Variants in DSP observed in about 807,000 individuals in gnomAD.
DSP encodes the protein desmoplakin, also known as 250/210 kDa paraneoplastic pemphigus antigen.
Under a neutral mutation model 290.6 loss-of-function variants are expected in DSP, and 114 were observed. The ratio of observed to expected loss-of-function variants is 0.39; its 90% CI spans 0.34 to 0.46. The LOEUF is 0.46. DSP is among the 20% of genes least tolerant of loss of function. The pLI, the probability that DSP is intolerant of heterozygous loss-of-function variation, is 0.99. For synonymous variants in DSP, 1,311 were observed against 1,316.4 expected, an observed-to-expected ratio of 1.00 and a Z score of 0.09; for missense variants, 3,230 against 3,495.8, an observed-to-expected ratio of 0.92 and a Z score of 1.92.
intron 5 of DSP, 40 bp from the exon 6 acceptor site, chr6:7,563,696 C>T: frequency 6.4e-7 from 1 of 1,562,032 alleles, no homozygotes; most frequent in Non-Finnish European, 8.8e-7. Context: ...ATACAATCCA[C>T]AAGGGGATTT....
chr6:7,546,272 G>T (rs944778547), intron 1 of DSP, among the ~76,000 whole-genome samples: 2 of 152,194 alleles, frequency 1.3e-5, no homozygotes, highest in Non-Finnish European at 1.5e-5. Flanking sequence ...CCCAGAGCTC[G>T]AGTGACTCAT....
In DSP at chr6:7,585,384, T is replaced by C; in HGVS notation, c.8122T>C (p.Ser2708Pro). 6.2e-7 allele frequency: 1 copy of C among 1,613,974 alleles called. No individual in the cohort carries two copies. The highest frequency in any genetic ancestry group is 8.5e-7 in the Non-Finnish European group (1 of 1,179,958). Residue 2708 changes from serine to proline, a missense_variant, in exon 24 of 24, where the codon TCA becomes CCA. Ser to Pro is a moderately conservative substitution (Grantham distance 74). Transcript: ENST00000379802. ...GGGTGTGAAGGGAAAGAAGAAGATG[T>C]CAGCAGCAGAGGCAGTGAAAGAAAA... is the stretch of plus-strand genomic sequence containing the variant. ...FEGVKGKKKM[S>P]AAEAVKEKWL...
chr6:7,549,378 A>C (rs1353511577), intron 1 of DSP, among the ~76,000 whole-genome samples: 1 of 152,126 alleles, frequency 6.6e-6, no homozygotes, highest in Non-Finnish European at 1.5e-5. Context: ...GGAACTCCCG[A>C]CCTCAGGTGA....
chr6:7,553,837 G>A (rs977082525), intron 1 of DSP, among the ~76,000 whole-genome samples: 5 of 152,114 alleles, frequency 3.3e-5, no homozygotes, highest in Admixed American at 1.3e-4. Context: ...CTTCTTCTGG[G>A]AGTAGTTCCC....
Position 7,585,318 on chromosome 6 carries a change from A to G in DSP, c.8056A>G (p.Thr2686Ala). Residue 2686 changes from threonine to alanine, a missense_variant, in exon 24 of 24, where the codon ACC becomes GCC. Physicochemically the swap from Thr to Ala is moderately conservative, Grantham distance 58 (BLOSUM62 0). Coordinates refer to ENST00000379802, the MANE Select transcript of DSP (RefSeq NM_004415.4). ...GGGTGTGATTGACCAAGACATGGCC[A>G]CCAGGCTGAAGCCTGCTCAGAAAGC... ...SQGVIDQDMA[T>A]RLKPAQKAFI... The G allele has an allele frequency of 6.2e-7, 1 of 1,614,162 alleles. No homozygotes were observed. The highest frequency in any genetic ancestry group is 2.2e-5 in the East Asian group (1 of 44,872).
Position 7,582,466 on chromosome 6 carries a change from T to C in DSP, c.5380-176T>C, listed in dbSNP as rs1447993424. The stretch of plus-strand genomic sequence containing the variant: ...GAAGTGGCAACATATACAGAATTTT[T>C]CCCACAAATTTGTAAAATAACAAGC... On this transcript the variant is annotated intron_variant, in intron 23 of 23. Transcript: ENST00000379802. The surrounding 1 kb of genome is among the most constrained non-coding windows in gnomAD (Gnocchi z 4.2). 6.6e-6 allele frequency among the ~76,000 whole-genome samples: 1 copy of C among 151,570 alleles called. No individual in the cohort carries two copies. The highest frequency in any genetic ancestry group is 1.5e-5 in the Non-Finnish European group (1 of 67,978).
chr6:7,580,575 G>T lies in DSP; in HGVS notation c.4385G>T (p.Ser1462Ile), dbSNP rs760386106. 21 of 1,614,012 alleles carry T rather than the reference G, an allele frequency of 1.3e-5. No homozygotes were observed. Among genetic ancestry groups the T allele is most frequent in the Middle Eastern group, 1.6e-4 (1 of 6,084 alleles). Residue 1462 changes from serine to isoleucine, a missense_variant, in exon 23 of 24, where the codon AGC becomes ATC. Transcript: ENST00000379802. This position sits in a 1 kb window ranked among gnomAD's most constrained non-coding sequence, Gnocchi z 4.2. Reference sequence around the variant, plus strand: ...GTCACTCAGATGCGAACAGAGGAGAGCGTAAGATATAAGCAATCTCTTGAT... The same window carrying T: ...GTCACTCAGATGCGAACAGAGGAGATCGTAAGATATAAGCAATCTCTTGAT... Reference protein sequence around the residue: ...RQVTQMRTEESVRYKQSLDDA... With the variant: ...RQVTQMRTEEIVRYKQSLDDA...
chr6:7,585,946 G>C lies in DSP; in HGVS notation c.*68G>C, dbSNP rs1759659943. 6.6e-7 allele frequency: 1 copy of C among 1,505,942 alleles called. No homozygotes were observed. The highest frequency in any genetic ancestry group is 9.2e-7 in the Non-Finnish European group (1 of 1,092,782). 93.3% of individuals were successfully genotyped at this position (1,505,942 alleles called of 1,614,324 possible). ...TGAATTTCCACTTTATTAAATAATA[G>C]AAAAGAAAATCCCGGTGCTTGCAGT... is the stretch of plus-strand genomic sequence containing the variant. On this transcript the variant is annotated 3_prime_UTR_variant, in exon 24 of 24. Transcript: ENST00000379802.
At chr6:7,557,918 CA>C (rs1307658746) in intron 2 of DSP, among the ~76,000 whole-genome samples, 197 bp from the exon 3 acceptor site, 1 of 152,172 alleles carries the variant, frequency 6.6e-6, no homozygotes, top group African/African-American at 2.4e-5. Flanking sequence ...AAGCCAAGTG[CA>C]AATTTAAAAG....
rs1204569556 is a variant in DSP at position 7,542,047 on chromosome 6, G to A, written c.132G>A (p.Arg44=). The stretch of plus-strand genomic sequence containing the variant: ...GCACCAGCAGGATGTACTATTCTCG[G>A]CGCGGCGTGATCACCGACCAGAACT... ...GGGTSRMYYS[R]RGVITDQNSD... is the part of the protein sequence containing the mutation. Residue 44 remains arginine (R), a synonymous_variant, in exon 1 of 24, where the codon CGG becomes CGA. Coordinates refer to ENST00000379802, the MANE Select transcript of DSP (RefSeq NM_004415.4). 1.3e-6 allele frequency: 2 copies of A among 1,573,324 alleles called. No individual in the cohort carries two copies. The highest frequency in any genetic ancestry group is 1.7e-6 in the Non-Finnish European group (2 of 1,159,910).
At position 7,583,226 on chromosome 6, in the gene DSP, A is replaced by G. The variant is rs775247252; in HGVS notation, c.5964A>G (p.Lys1988=). The change falls in exon 24 of 24, where the codon AAA becomes AAG. Residue 1988 remains lysine (K), a synonymous_variant. Coordinates refer to ENST00000379802, the MANE Select transcript of DSP (RefSeq NM_004415.4). This position sits in a 1 kb window ranked among gnomAD's most constrained non-coding sequence, Gnocchi z 4.0. ...TCTATGAGTGTCAGCTGATCGACAAAACAACCTTGGACAAACTATTGAAGG... is the reference window on the plus strand; with the variant it reads ...TCTATGAGTGTCAGCTGATCGACAAGACAACCTTGGACAAACTATTGAAGG... ...MQLYECQLID[K]TTLDKLLKGK... is the part of the protein sequence containing the mutation. 7 of 1,614,072 alleles carry G rather than the reference A, an allele frequency of 4.3e-6. No individual in the cohort carries two copies. In the African/African-American group the frequency reaches 5.3e-5, roughly 12 times the overall value.
chr6:7,564,799 G>A (rs202192579), intron 6 of DSP, among the ~76,000 whole-genome samples: 1 of 127,038 alleles, frequency 7.9e-6, no homozygotes, highest in South Asian at 2.5e-4. Context: ...CCCCAAATAT[G>A]TACAACTATA....
At chr6:7,570,212 A>C (rs774390238) in intron 12 of DSP, among the ~76,000 whole-genome samples, 12 of 152,202 alleles carry the variant, frequency 7.9e-5, no homozygotes, top group Admixed American at 2.0e-4. Context: ...AACAACAAAA[A>C]GTTGTAGTAT....
chr6:7,574,116 G>A lies in DSP; in HGVS notation c.2161G>A (p.Glu721Lys), dbSNP rs963374775. Reference protein sequence around the residue: ...SVQNDSQAIAEVLNQLKDMLA... With the variant: ...SVQNDSQAIAKVLNQLKDMLA... ...GCAGAATGATTCACAAGCAATTGCT[G>A]AGGTTCTCAACCAGCTTAAAGATAT... The change falls in exon 16 of 24, where the codon GAG (glutamate) becomes AAG (lysine). Residue 721 changes from glutamate (E) to lysine (K), a missense_variant. By Grantham distance (56) the Glu-to-Lys change is moderately conservative. Transcript: ENST00000379802. The A allele has an allele frequency of 6.2e-7, 1 of 1,614,114 alleles. No homozygotes were observed. The highest frequency in any genetic ancestry group is 8.5e-7 in the Non-Finnish European group (1 of 1,179,992).
rs1393661264 is a variant in DSP, at chr6:7,582,630, C to T, written c.5380-12C>T. On this transcript the variant is annotated splice_polypyrimidine_tract_variant and intron_variant, in intron 23 of 23. Coordinates refer to ENST00000379802, the MANE Select transcript of DSP (RefSeq NM_004415.4). This position sits in a 1 kb window ranked among gnomAD's most constrained non-coding sequence, Gnocchi z 4.2. The stretch of plus-strand genomic sequence containing the variant: ...CATTATTTTTTCCCATTTCTTTCTT[C>T]TTCAATTCCAGGCATCTAATAGGAT... 6 of 1,605,870 alleles carry T rather than the reference C, an allele frequency of 3.7e-6. No individual in the cohort carries two copies. In the South Asian group the frequency reaches 5.5e-5, roughly 15 times the overall value.
In DSP at chr6:7,584,823, G is replaced by A; in HGVS notation, c.7561G>A (p.Asp2521Asn). Residue 2521 changes from aspartate to asparagine, a missense_variant, in exon 24 of 24, where the codon GAT (aspartate) becomes AAT (asparagine). By Grantham distance (23) the Asp-to-Asn change is conservative. Transcript: ENST00000379802. This position sits in a 1 kb window ranked among gnomAD's most constrained non-coding sequence, Gnocchi z 6.4. Reference sequence around the variant, plus strand: ...TGGCTCCACCAGGGTGGTCCTGGTAGATAGAAAGACAGGCAGTCAGTATGA... The same window carrying A: ...TGGCTCCACCAGGGTGGTCCTGGTAAATAGAAAGACAGGCAGTCAGTATGA... ...SDGSTRVVLV[D>N]RKTGSQYDIQ... is the part of the protein sequence containing the mutation. 1 of 1,614,194 alleles carries A rather than the reference G, an allele frequency of 6.2e-7. No individual in the cohort carries two copies. The highest frequency in any genetic ancestry group is 1.1e-5 in the South Asian group (1 of 91,088).
rs1265483550 is a variant in DSP at position 7,565,068 on chromosome 6, C to T, written c.778-291C>T. 1.3e-5 allele frequency among the ~76,000 whole-genome samples: 2 copies of T among 151,960 alleles called. No homozygotes were observed. The highest frequency in any genetic ancestry group is 1.3e-4 in the Admixed American group (2 of 15,262). The stretch of plus-strand genomic sequence containing the variant: ...CTGAGGCAGGAGAATCGCTTAAACC[C>T]GGGAGGGGGAGGTTGCAGTGAACCG... On this transcript the variant is annotated intron_variant, in intron 6 of 23. Coordinates refer to ENST00000379802, the MANE Select transcript of DSP (RefSeq NM_004415.4). The surrounding 1 kb of genome is among the most constrained non-coding windows in gnomAD (Gnocchi z 4.2).
At position 7,576,345 on chromosome 6, in the gene DSP, C is replaced by T; in HGVS notation, c.2682C>T (p.Asn894=). The change falls in exon 19 of 24, where the codon AAC becomes AAT. Residue 894 remains asparagine, a synonymous_variant. Coordinates refer to ENST00000379802, the MANE Select transcript of DSP (RefSeq NM_004415.4). ...AGCAATTGAGGAATTATCGTGATAA[C>T]TATCAGGCTTTCTGCAAGTGGCTCT... is the stretch of plus-strand genomic sequence containing the variant. The part of the protein sequence containing the change: ...QIKQLRNYRD[N]YQAFCKWLYD... 1 of 1,614,108 alleles carries T rather than the reference C, an allele frequency of 6.2e-7. No homozygotes were observed. The highest frequency in any genetic ancestry group is 8.5e-7 in the Non-Finnish European group (1 of 1,179,996).
At chr6:7,574,291 T>G in intron 16 of DSP, 39 bp downstream of exon 16, 1 of 1,600,242 alleles carries the variant, frequency 6.2e-7, no homozygotes, top group Non-Finnish European at 8.6e-7. Flanking sequence ...TTTCCTTTTC[T>G]CAAGCTTCTT....
Sources: gnomAD v4.1 joint callset for allele counts (sites outside exome capture counted in the v4.1 genomes callset) on GRCh38, gnomAD v4.1.1 for gene constraint, Gnocchi (gnomAD v3.1) non-coding constraint, MANE v1.5 for transcripts, NCBI Gene and HGNC (gene_info 2026-07-23, HGNC 2026-07-21) for gene names.